Variants in EP400 observed in about 807,000 individuals in gnomAD.
EP400 encodes the protein E1A-binding protein p400.
In EP400, 105 loss-of-function variants were observed where a neutral mutation model predicts 354.1. That is an observed-to-expected ratio of 0.30 (90% CI 0.25 to 0.35). EP400 has a LOEUF of 0.35. EP400 is among the 10% of genes least tolerant of loss of function. The pLI, the probability that EP400 is intolerant of heterozygous loss-of-function variation, is 1.00. For missense variants in EP400, 3,280 were observed against 4,121.0 expected, an observed-to-expected ratio of 0.80 and a Z score of 5.59; for synonymous variants, 1,646 against 1,716.9, an observed-to-expected ratio of 0.96 and a Z score of 1.02.
intron 12 of EP400, among the ~76,000 whole-genome samples, chr12:132,002,091 C>G (rs1176681685): frequency 1.3e-5 from 2 of 152,174 alleles, no homozygotes; most frequent in Non-Finnish European, 2.9e-5. Context: ...GAGAGAGTTT[C>G]TGTTAACTTC....
At chr12:132,069,840 G>C (rs1459456805) in intron 51 of EP400, among the ~76,000 whole-genome samples, 199 bp downstream of exon 51, 1 of 152,198 alleles carries the variant, frequency 6.6e-6, no homozygotes. Context: ...GCCTGTTCCA[G>C]CTGTCGCCAG....
rs1894414587 is a variant in EP400, at chr12:132,029,481, T to C, written c.5382-220T>C. 3.3e-6 allele frequency: 2 copies of C among 598,742 alleles called. No homozygotes were observed. The highest frequency in any genetic ancestry group is 5.9e-6 in the Non-Finnish European group (2 of 336,778). The allele number at this position is 598,742 out of a possible 1,614,324, so 37.1% of individuals were successfully genotyped here. A position where few individuals can be genotyped will look rare whatever the true frequency, so the allele number is the denominator to read the frequency against. ...ATCCATCAGCCCTGGACTGTCTGAA[T>C]TAGTCCCCGAGGTGGTGGTTATTGG... On this transcript the variant is annotated intron_variant, in intron 27 of 52. Transcript: ENST00000389561. This position sits in a 1 kb window ranked among gnomAD's most constrained non-coding sequence, Gnocchi z 4.7.
At chr12:132,041,948 TTC>T (rs1894925902) in intron 32 of EP400, among the ~76,000 whole-genome samples, 9 of 142,364 alleles carry the variant, frequency 6.3e-5, no homozygotes, top group Admixed American at 5.4e-4. Flanking sequence ...TTCTTTTTTT[TTC>T]TTTTTCTTTT....
intron 48 of EP400, 69 bp from the exon 49 acceptor site, chr12:132,066,705 G>C (rs954853758): frequency 7.4e-6 from 11 of 1,478,364 alleles, no homozygotes; most frequent in Non-Finnish European, 8.2e-6. Flanking sequence ...ACCTCTTGTG[G>C]AGAAGTATTT....
At chr12:131,963,633 A>G (rs752626986) in intron 2 of EP400, 10 of 1,597,938 alleles carry the variant, frequency 6.3e-6, no homozygotes, top group Non-Finnish European at 7.6e-6. Context: ...CCCAGCAGCA[A>G]CCATTTCAGG....
At chr12:131,981,390 C>G in intron 3 of EP400, 99 bp from the exon 4 acceptor site, 3 of 908,082 alleles carry the variant, frequency 3.3e-6, no homozygotes, top group African/African-American at 3.4e-5. Context: ...ATAGAAAGGC[C>G]TCCCTTTTCC....
rs1338294333 is a variant in EP400, at chr12:132,032,161, C to G, written c.5951+12C>G. 6.2e-7 allele frequency: 1 copy of G among 1,605,262 alleles called. No homozygotes were observed. The highest frequency in any genetic ancestry group is 8.5e-7 in the Non-Finnish European group (1 of 1,174,364). On this transcript the variant is annotated intron_variant, in intron 30 of 52. Coordinates refer to ENST00000389561, the MANE Select transcript of EP400 (RefSeq NM_015409.5). ...ATCCACATATACAGGTGAGGGCCTGCGGGGGATAGGATCAGGAGATGCAAA... is the reference window on the plus strand; with the variant it reads ...ATCCACATATACAGGTGAGGGCCTGGGGGGGATAGGATCAGGAGATGCAAA...
At chr12:131,999,485 C>T (rs995421402) in intron 12 of EP400, among the ~76,000 whole-genome samples, 1 of 152,188 alleles carries the variant, frequency 6.6e-6, no homozygotes, top group Admixed American at 6.5e-5. Flanking sequence ...GTCGCCCAGG[C>T]TGGAGTGCAG....
chr12:132,069,047 A>G (rs1895988527), intron 50 of EP400: 1 of 162,534 alleles, frequency 6.2e-6, no homozygotes, highest in Admixed American at 6.2e-5. Flanking sequence ...GATGTACACA[A>G]TATGATCTGC....
chr12:132,019,950 C>A, intron 21 of EP400, 99 bp from the exon 22 acceptor site: 1 of 1,310,620 alleles, frequency 7.6e-7, no homozygotes, highest in Non-Finnish European at 1.0e-6. Context: ...CCTGAGCTGG[C>A]TTCCTATGGG....
rs745405091 is a variant in EP400, at chr12:131,986,551, C to T, written c.1967C>T (p.Pro656Leu). The change falls in exon 6 of 53, where the codon CCG becomes CTG. Residue 656 changes from proline to leucine, a missense_variant. Transcript: ENST00000389561. ...ACAAGGCTCCCTGTGGACCCTGCCC[C>T]GCCCTGCCCACGGCCTCTGCCCACC... is the stretch of plus-strand genomic sequence containing the variant. Reference protein sequence around the residue: ...ASTRLPVDPAPPCPRPLPTSS... With the variant: ...ASTRLPVDPALPCPRPLPTSS... 1.1e-5 allele frequency: 17 copies of T among 1,612,856 alleles called. 1 individual carries two copies. Among genetic ancestry groups the T allele is most frequent in the Non-Finnish European group, 1.2e-5 (14 of 1,179,372 alleles).
At chr12:132,000,621 A>G (rs1040166791) in intron 12 of EP400, among the ~76,000 whole-genome samples, 7 of 152,286 alleles carry the variant, frequency 4.6e-5, no homozygotes, top group Admixed American at 3.9e-4. Context: ...CATTTTATGT[A>G]TTTTGAGACT....
rs780240729 is a variant in EP400 at position 132,044,697 on chromosome 12, G to T, written c.6612G>T (p.Gly2204=). The T allele has an allele frequency of 6.8e-6, 11 of 1,614,096 alleles. No individual in the cohort carries two copies. ...AGTATGTCTACGAAGATGTCGATGGGCAGACAGAAGTCATGCCGGTGAGTG... is the reference window on the plus strand; with the variant it reads ...AGTATGTCTACGAAGATGTCGATGGTCAGACAGAAGTCATGCCGGTGAGTG... The part of the protein sequence containing the change: ...SMEYVYEDVD[G]QTEVMPLWTP... Residue 2204 remains glycine (G), a synonymous_variant, in exon 36 of 53, where the codon GGG becomes GGT. Coordinates refer to ENST00000389561, the MANE Select transcript of EP400 (RefSeq NM_015409.5).
rs1201222682 is a variant in EP400 at position 131,990,668 on chromosome 12, A to G, written c.2583A>G (p.Glu861=). ...VVEIKLRVEL[E]EKRKKALNLQ... is the part of the protein sequence containing the mutation. ...AAATAAAACTACGAGTAGAATTAGA[A>G]GAAAAAAGGAAGAAGGCCTTAAATT... The change falls in exon 9 of 53, where the codon GAA becomes GAG. Residue 861 remains glutamate, a synonymous_variant. Transcript: ENST00000389561. This position sits in a 1 kb window ranked among gnomAD's most constrained non-coding sequence, Gnocchi z 4.2. 3.1e-6 allele frequency: 5 copies of G among 1,612,966 alleles called. No individual in the cohort carries two copies. Among genetic ancestry groups the G allele is most frequent in the Non-Finnish European group, 4.2e-6 (5 of 1,179,410 alleles).
At chr12:132,011,273 A>C (rs1893754992) in intron 15 of EP400, among the ~76,000 whole-genome samples, 1 of 152,214 alleles carries the variant, frequency 6.6e-6, no homozygotes, top group South Asian at 2.1e-4. Flanking sequence ...CCTCTGGTGC[A>C]GGCTTGGTGC....
At chr12:132,059,480 G>C (rs906251946) in intron 45 of EP400, among the ~76,000 whole-genome samples, 1 of 152,120 alleles carries the variant, frequency 6.6e-6, no homozygotes, top group Non-Finnish European at 1.5e-5. Context: ...CTGCTTCAGT[G>C]GGCATGTTCC....
chr12:131,954,582 G>A (rs761112044), intron 1 of EP400, among the ~76,000 whole-genome samples: 14 of 151,940 alleles, frequency 9.2e-5, no homozygotes, highest in Non-Finnish European at 1.6e-4. Context: ...AAAATTGGCC[G>A]GGCGTGGTGG....
intron 30 of EP400, among the ~76,000 whole-genome samples, chr12:132,037,319 C>T (rs1565924579): frequency 6.6e-6 from 1 of 152,212 alleles, no homozygotes; most frequent in East Asian, 1.9e-4. Flanking sequence ...GTGATCAGTT[C>T]TGCCTGTTGG....
chr12:132,048,780 C>G (rs1895198878), intron 39 of EP400, among the ~76,000 whole-genome samples: 2 of 152,116 alleles, frequency 1.3e-5, no homozygotes, highest in South Asian at 4.2e-4. Context: ...GATCTCCTGA[C>G]CTCAGATAAT....
Sources: allele counts gnomAD v4.1 joint callset (sites outside exome capture counted in the v4.1 genomes callset), GRCh38; gene constraint gnomAD v4.1.1; non-coding constraint Gnocchi (gnomAD v3.1); transcripts MANE v1.5; gene names NCBI Gene and HGNC (gene_info 2026-07-23, HGNC 2026-07-21).